The following PDE10A variants were observed in gnomAD, a reference collection of about 807,000 sequenced individuals.
PDE10A encodes the protein phosphodiesterase 10A, also known as cAMP and cAMP-inhibited cGMP 3',5'-cyclic phosphodiesterase 10A.
A neutral mutation model predicts 97.7 loss-of-function variants in PDE10A; 39 were observed. That is an observed-to-expected ratio of 0.40 (90% CI 0.31 to 0.52). PDE10A has a LOEUF of 0.52. PDE10A is among the 20% of genes least tolerant of loss of function. The pLI is 0.56. For missense variants in PDE10A, 731 were observed against 1,047.8 expected, an observed-to-expected ratio of 0.70 and a Z score of 4.17; for synonymous variants, 371 against 376.8, an observed-to-expected ratio of 0.98 and a Z score of 0.18.
chr6:165,389,171 GTCA>G (rs1217347867), intron 16 of PDE10A, among the ~76,000 whole-genome samples: 4 of 151,868 alleles, frequency 2.6e-5, no homozygotes, highest in Non-Finnish European at 5.9e-5. Context: ...AGGGGAAGCA[GTCA>G]TCATAAAAGG....
chr6:165,591,690 T>A (rs550007964), intron 1 of PDE10A, among the ~76,000 whole-genome samples: 5 of 152,340 alleles, frequency 3.3e-5, no homozygotes, highest in Admixed American at 1.3e-4. Context: ...TGTTTTTTGC[T>A]TTTTTGTTTT....
intron 1 of PDE10A, among the ~76,000 whole-genome samples, chr6:165,901,732 G>T (rs1215918999): frequency 6.6e-6 from 1 of 152,148 alleles, no homozygotes; most frequent in East Asian, 1.9e-4. Flanking sequence ...AACTTGGGAG[G>T]TGGAGGTTGT....
intron 1 of PDE10A, among the ~76,000 whole-genome samples, chr6:165,982,253 C>T (rs963595441): frequency 6.6e-6 from 1 of 152,186 alleles, no homozygotes; most frequent in African/African-American, 2.4e-5. Flanking sequence ...TTCATTCAGT[C>T]CCAGAGTCTC....
chr6:165,380,211 C>T (rs1037197401), intron 17 of PDE10A, among the ~76,000 whole-genome samples: 2 of 152,168 alleles, frequency 1.3e-5, no homozygotes, highest in African/African-American at 4.8e-5. Flanking sequence ...AGTCAATTTG[C>T]AGATTCATCA....
rs1326448265 is a variant in PDE10A at position 165,819,178 on chromosome 6, C to T, written c.-615+168351G>A. Among the ~76,000 whole-genome samples, 2 of 152,188 alleles carry T rather than the reference C, an allele frequency of 1.3e-5. No individual in the cohort carries two copies. Among genetic ancestry groups the T allele is most frequent in the African/African-American group, 4.8e-5 (2 of 41,442 alleles). ...TTCATCTCTGCACCTGCTCCCTCATCTGCTCCCTCACCTACTCCCTCACCT... is the reference window on the plus strand; with the variant it reads ...TTCATCTCTGCACCTGCTCCCTCATTTGCTCCCTCACCTACTCCCTCACCT... On this transcript the variant is annotated intron_variant, in intron 1 of 19. Coordinates refer to the PDE10A transcript ENST00000366882. This position sits in a 1 kb window ranked among gnomAD's most constrained non-coding sequence, Gnocchi z 4.2.
chr6:165,469,132 C>A (rs1270522645), intron 3 of PDE10A, among the ~76,000 whole-genome samples: 2 of 152,198 alleles, frequency 1.3e-5, no homozygotes, highest in Non-Finnish European at 2.9e-5. Context: ...ATAAGATATG[C>A]ATCTTCTATG....
In PDE10A at chr6:165,792,383, G is replaced by A. The variant is rs149259424; in HGVS notation, c.-615+195146C>T. ...AAAGTTGATCAGCGTCAACGCCACC[G>A]CCCTGGGCAGGTGCTCTGTTGCTGC... is the stretch of plus-strand genomic sequence containing the variant. On this transcript the variant is annotated intron_variant, in intron 1 of 19. Transcript: ENST00000366882. Among the ~76,000 whole-genome samples the A allele has an allele frequency of 1.2e-3, 188 of 152,250 alleles. 1 individual carries two copies. The highest frequency in any genetic ancestry group is 4.1e-3 in the African/African-American group (172 of 41,538).
chr6:165,409,225 G>T (rs1787507934), intron 13 of PDE10A, among the ~76,000 whole-genome samples: 1 of 150,754 alleles, frequency 6.6e-6, no homozygotes, highest in South Asian at 2.1e-4. Flanking sequence ...CAGCTGCACT[G>T]AATATATTTT....
intron 1 of PDE10A, among the ~76,000 whole-genome samples, chr6:165,769,705 G>A (rs943320844): frequency 1.3e-5 from 2 of 152,102 alleles, no homozygotes; most frequent in Non-Finnish European, 2.9e-5. Context: ...AAAATTGCCC[G>A]CGAACAAAGG....
chr6:165,370,022 C>A (rs1326188622), intron 18 of PDE10A, among the ~76,000 whole-genome samples: 4 of 151,936 alleles, frequency 2.6e-5, no homozygotes, highest in African/African-American at 9.7e-5. Flanking sequence ...TACAGACAAG[C>A]AAATGCTGAG....
rs149189285 is a variant in PDE10A at position 165,355,367 on chromosome 6, C to T, written c.2784-11865G>A. On this transcript the variant is annotated intron_variant, in intron 18 of 21. Coordinates refer to ENST00000539869, the MANE Select transcript of PDE10A (RefSeq NM_001385079.1). The stretch of plus-strand genomic sequence containing the variant: ...TCGTTTTCTAGTCAATGTCCCTCAT[C>T]GAACCCCAGCAACTGCCAGTTTAAA... Among the ~76,000 whole-genome samples the T allele has an allele frequency of 5.3e-5, 8 of 152,268 alleles. No homozygotes were observed. The South Asian group carries it at 8.3e-4, about 16-fold the overall frequency.
intron 1 of PDE10A, among the ~76,000 whole-genome samples, chr6:165,654,961 T>G (rs1436313027): frequency 1.3e-5 from 2 of 152,198 alleles, no homozygotes; most frequent in Non-Finnish European, 2.9e-5. Context: ...CTCCGACTTC[T>G]GCTCACTCCC....
intron 18 of PDE10A, among the ~76,000 whole-genome samples, chr6:165,348,680 T>C (rs772499192): frequency 1.3e-5 from 2 of 152,174 alleles, no homozygotes; most frequent in Non-Finnish European, 2.9e-5. Flanking sequence ...CTGTCTGATA[T>C]AGTTGTCCCC....
intron 1 of PDE10A, among the ~76,000 whole-genome samples, chr6:165,873,575 T>C (rs1781258850): frequency 6.6e-6 from 1 of 152,224 alleles, no homozygotes; most frequent in African/African-American, 2.4e-5. Context: ...GAGCTTTGTA[T>C]TACAGATAGC....
At chr6:165,947,394 C>T (rs1052168252) in intron 1 of PDE10A, among the ~76,000 whole-genome samples, 15 of 152,268 alleles carry the variant, frequency 9.9e-5, no homozygotes, top group Middle Eastern at 3.4e-3. Context: ...TACTTTTTCT[C>T]CCTTAGATCA....
intron 1 of PDE10A, among the ~76,000 whole-genome samples, chr6:165,802,761 G>A (rs1050830911): frequency 5.3e-5 from 8 of 152,126 alleles, no homozygotes; most frequent in Middle Eastern, 3.2e-3. Context: ...AGCATGGTTC[G>A]ATATGTTGTA....
At chr6:165,823,155 G>A (rs1779621390) in intron 1 of PDE10A, among the ~76,000 whole-genome samples, 1 of 151,120 alleles carries the variant, frequency 6.6e-6, no homozygotes. Context: ...TTTAACTTTT[G>A]GGCCCTTGTC....
chr6:165,342,946 T>G (rs531466644), intron 19 of PDE10A, among the ~76,000 whole-genome samples: 161 of 152,348 alleles, frequency 1.1e-3, no homozygotes, highest in African/African-American at 3.6e-3. Flanking sequence ...AGGTGAGCTA[T>G]TGGTTATATT....
In PDE10A at chr6:165,350,392, T is replaced by A. The variant is rs142231033; in HGVS notation, c.2784-6890A>T. On this transcript the variant is annotated intron_variant, in intron 18 of 21. Coordinates refer to ENST00000539869, the MANE Select transcript of PDE10A (RefSeq NM_001385079.1). Reference sequence around the variant, plus strand: ...TTTGTTTTGGCCAATTTCTCCCATTTGGAATGCTATATTTACCCAATGCCT... The same window carrying A: ...TTTGTTTTGGCCAATTTCTCCCATTAGGAATGCTATATTTACCCAATGCCT... Among the ~76,000 whole-genome samples, 1,312 of 152,316 alleles carry A rather than the reference T, an allele frequency of 8.6e-3. 17 individuals carry two copies. The highest frequency in any genetic ancestry group is 0.03 in the African/African-American group (1,241 of 41,546).
Sources: allele counts gnomAD v4.1 joint callset (sites outside exome capture counted in the v4.1 genomes callset), GRCh38; gene constraint gnomAD v4.1.1; non-coding constraint Gnocchi (gnomAD v3.1); transcripts MANE v1.5; gene names NCBI Gene and HGNC (gene_info 2026-07-23, HGNC 2026-07-21).